Variants in UBE2E2 observed in about 807,000 individuals in gnomAD.
The protein encoded by UBE2E2 is ubiquitin conjugating enzyme E2 E2, also known as ubiquitin-conjugating enzyme E2 E2.
In UBE2E2, 6 loss-of-function variants were observed where a neutral mutation model predicts 24.7. That is an observed-to-expected ratio of 0.24 (90% CI 0.13 to 0.48). The LOEUF (loss-of-function observed/expected upper bound fraction) is 0.48, where lower values mean the gene tolerates loss of function less well. UBE2E2 is among the 20% of genes least tolerant of loss of function. The pLI is 0.99. For missense variants in UBE2E2, 169 were observed against 245.0 expected (o/e 0.69, Z 2.07); for synonymous variants, 104 against 83.6 (o/e 1.24, Z -1.33).
rs148912078 is a variant in UBE2E2, at chr3:23,472,752, C to T, written c.228-26856C>T. On this transcript the variant is annotated intron_variant, in intron 3 of 5. Coordinates refer to ENST00000396703, the MANE Select transcript of UBE2E2 (RefSeq NM_152653.4). ...CAGCCTCAACCTCCTGGACTCAATCCTCCCACCTCAGCCTCCTGAGTAGCT... is the reference window on the plus strand; with the variant it reads ...CAGCCTCAACCTCCTGGACTCAATCTTCCCACCTCAGCCTCCTGAGTAGCT... Among the ~76,000 whole-genome samples the T allele has an allele frequency of 1.0e-3, 157 of 151,816 alleles. 4 individuals carry two copies. Among genetic ancestry groups the T allele is most frequent in the African/African-American group, 3.7e-3 (151 of 41,286 alleles).
intron 3 of UBE2E2, among the ~76,000 whole-genome samples, chr3:23,450,373 A>C (rs1000963966): frequency 2.0e-5 from 3 of 152,086 alleles, no homozygotes; most frequent in Non-Finnish European, 4.4e-5. Flanking sequence ...TGAAGAATTT[A>C]ATTTTAATTA....
In UBE2E2 at chr3:23,383,307, A is replaced by G. The variant is rs534731004; in HGVS notation, c.228-116301A>G. On this transcript the variant is annotated intron_variant, in intron 3 of 5. Transcript: ENST00000396703. ...AAGACTGATGTAGAAATGTTCAGTG[A>G]GCAGTTGAACACATACATTAGCAAA... Among the ~76,000 whole-genome samples, 9 of 152,256 alleles carry G rather than the reference A, an allele frequency of 5.9e-5. No individual in the cohort carries two copies. The South Asian group carries it at 1.9e-3, about 32-fold the overall frequency.
intron 3 of UBE2E2, among the ~76,000 whole-genome samples, chr3:23,488,725 T>C (rs1014219727): frequency 1.3e-5 from 2 of 152,198 alleles, no homozygotes; most frequent in Non-Finnish European, 2.9e-5. Context: ...GAAGCTTGTT[T>C]ATACTGCAGA....
At chr3:23,507,893 G>A (rs1694492900) in intron 4 of UBE2E2, among the ~76,000 whole-genome samples, 1 of 152,066 alleles carries the variant, frequency 6.6e-6, no homozygotes, top group Non-Finnish European at 1.5e-5. Context: ...AAGACACTGG[G>A]GGCTTTTCTT....
At chr3:23,402,317 A>G (rs1371096872) in intron 3 of UBE2E2, among the ~76,000 whole-genome samples, 1 of 152,238 alleles carries the variant, frequency 6.6e-6, no homozygotes, top group Non-Finnish European at 1.5e-5. Context: ...GTTATTATCA[A>G]GTGATCTTAC....
chr3:23,487,533 C>T (rs542852845), intron 3 of UBE2E2, among the ~76,000 whole-genome samples: 5 of 152,316 alleles, frequency 3.3e-5, no homozygotes, highest in East Asian at 1.9e-4. Flanking sequence ...GCGCTACTAC[C>T]GCCATCAATA....
intron 3 of UBE2E2, among the ~76,000 whole-genome samples, chr3:23,330,909 A>AT (rs1312030956): frequency 1.3e-5 from 2 of 152,080 alleles, no homozygotes; most frequent in Non-Finnish European, 2.9e-5. Context: ...AAGCTACTTA[A>AT]TTTTTTCTAA....
chr3:23,331,054 ACCTATT>A (rs1436827095), intron 3 of UBE2E2, among the ~76,000 whole-genome samples: 2 of 152,114 alleles, frequency 1.3e-5, no homozygotes, highest in African/African-American at 4.8e-5. Context: ...TTTTCTTTCA[ACCTATT>A]TATGTATTAC....
chr3:23,500,836 C>T (rs1699705406), intron 4 of UBE2E2, among the ~76,000 whole-genome samples: 1 of 152,100 alleles, frequency 6.6e-6, no homozygotes, highest in Non-Finnish European at 1.5e-5. Flanking sequence ...GTAACTTGTC[C>T]AGCATTATGC....
intron 3 of UBE2E2, among the ~76,000 whole-genome samples, chr3:23,364,542 T>G (rs1696206165): frequency 6.6e-6 from 1 of 152,138 alleles, no homozygotes; most frequent in Non-Finnish European, 1.5e-5. Flanking sequence ...GATAAATGCC[T>G]GGAAACATAC....
chr3:23,340,961 A>G (rs914154615), intron 3 of UBE2E2, among the ~76,000 whole-genome samples: 2 of 152,140 alleles, frequency 1.3e-5, no homozygotes, highest in Non-Finnish European at 2.9e-5. Flanking sequence ...CACCAGTGGG[A>G]GAGTTTTAGA....
At chr3:23,337,568 G>T (rs1454897872) in intron 3 of UBE2E2, among the ~76,000 whole-genome samples, 1 of 152,222 alleles carries the variant, frequency 6.6e-6, no homozygotes, top group Non-Finnish European at 1.5e-5. Flanking sequence ...CAGACTGGGA[G>T]TTCAGGGACA....
intron 3 of UBE2E2, among the ~76,000 whole-genome samples, chr3:23,274,970 G>A (rs1352360952): frequency 6.6e-6 from 1 of 152,194 alleles, no homozygotes; most frequent in Middle Eastern, 3.2e-3. Flanking sequence ...TGAGCTGTAT[G>A]TGGACTGTTC....
intron 3 of UBE2E2, among the ~76,000 whole-genome samples, chr3:23,320,774 C>G (rs2125289075): frequency 1.3e-5 from 2 of 152,274 alleles, no homozygotes; most frequent in South Asian, 4.2e-4. Context: ...TTTGATTAAT[C>G]CACCCCGGCA....
At chr3:23,418,105 T>C (rs1327184523) in intron 3 of UBE2E2, among the ~76,000 whole-genome samples, 1 of 151,956 alleles carries the variant, frequency 6.6e-6, no homozygotes, top group Non-Finnish European at 1.5e-5. Context: ...CACTGGGGTA[T>C]GAAAAAAAAT....
chr3:23,376,800 T>A (rs191264220), intron 3 of UBE2E2, among the ~76,000 whole-genome samples: 44 of 152,338 alleles, frequency 2.9e-4, no homozygotes, highest in African/African-American at 1.1e-3. Context: ...AAAGTGTCTG[T>A]CAAACTCTTA....
In UBE2E2 at chr3:23,407,629, T is replaced by G. The variant is rs900376805; in HGVS notation, c.228-91979T>G. Among the ~76,000 whole-genome samples the G allele has an allele frequency of 2.4e-4, 33 of 135,082 alleles. No individual in the cohort carries two copies. The highest frequency in any genetic ancestry group is 9.6e-4 in the African/African-American group (31 of 32,196). 88.6% of individuals were successfully genotyped at this position (135,082 alleles called of 152,430 possible). ...TTGGGAGGAGTGCATGTGTGTGTGTTTGTGTGTGCATGCGTGCATGTGTGT... is the reference window on the plus strand; with the variant it reads ...TTGGGAGGAGTGCATGTGTGTGTGTGTGTGTGTGCATGCGTGCATGTGTGT... On this transcript the variant is annotated intron_variant, in intron 3 of 5. Coordinates refer to ENST00000396703, the MANE Select transcript of UBE2E2 (RefSeq NM_152653.4). The surrounding 1 kb of genome is among the most constrained non-coding windows in gnomAD (Gnocchi z 4.0).
chr3:23,326,257 A>C (rs1387973299), intron 3 of UBE2E2, among the ~76,000 whole-genome samples: 2 of 152,058 alleles, frequency 1.3e-5, no homozygotes, highest in Non-Finnish European at 2.9e-5. Flanking sequence ...TTTTAGTGGA[A>C]ACGGTGTTTC....
chr3:23,402,876 A>C (rs1319610642), intron 3 of UBE2E2, among the ~76,000 whole-genome samples: 1 of 152,216 alleles, frequency 6.6e-6, no homozygotes, highest in African/African-American at 2.4e-5. Context: ...TTTGGGCATC[A>C]AACCAGAGAT....
Sources: gnomAD v4.1 joint callset for allele counts (sites outside exome capture counted in the v4.1 genomes callset) on GRCh38, gnomAD v4.1.1 for gene constraint, Gnocchi (gnomAD v3.1) non-coding constraint, MANE v1.5 for transcripts, NCBI Gene and HGNC (gene_info 2026-07-23, HGNC 2026-07-21) for gene names.